GNG12: variants seen among roughly 807,000 people sequenced by gnomAD.
GNG12 encodes G protein subunit gamma 12.
For synonymous variants in GNG12, 28 were observed against 29.7 expected (o/e 0.94, Z 0.19); for missense variants, 69 against 83.8 (o/e 0.82, Z 0.69).
intron 1 of GNG12, among the ~76,000 whole-genome samples, chr1:67,808,828 A>C (rs1369619658): frequency 6.6e-6 from 1 of 152,196 alleles, no homozygotes; most frequent in African/African-American, 2.4e-5. Context: ...CCATGTTCAC[A>C]GACAGGAAAA....
At chr1:67,774,070 G>A (rs564051250) in intron 2 of GNG12, among the ~76,000 whole-genome samples, 12 of 152,228 alleles carry the variant, frequency 7.9e-5, no homozygotes, top group Middle Eastern at 3.4e-3. Flanking sequence ...ACTCTGTGTG[G>A]CATTATCTTT....
At chr1:67,772,413 G>T (rs1281580491) in intron 2 of GNG12, among the ~76,000 whole-genome samples, 1 of 152,152 alleles carries the variant, frequency 6.6e-6, no homozygotes, top group Admixed American at 6.5e-5. Flanking sequence ...TAACTGTGCA[G>T]AATCTAATTT....
chr1:67,709,813 T>G (rs997684841), intron 2 of GNG12, among the ~76,000 whole-genome samples: 4 of 131,964 alleles, frequency 3.0e-5, no homozygotes, highest in African/African-American at 5.7e-5. Context: ...AAGTTGCAGA[T>G]ATATATATAT....
At chr1:67,820,105 T>C (rs1352599856) in intron 1 of GNG12, among the ~76,000 whole-genome samples, 1 of 141,850 alleles carries the variant, frequency 7.0e-6, no homozygotes, top group Admixed American at 7.1e-5. Context: ...AAAAAAAAGA[T>C]CAGCCAGGCA....
intron 2 of GNG12, among the ~76,000 whole-genome samples, chr1:67,711,143 C>T (rs1330041588): frequency 6.6e-6 from 1 of 152,148 alleles, no homozygotes; most frequent in Non-Finnish European, 1.5e-5. Flanking sequence ...ATTTTTACAC[C>T]TTCATAGATT....
intron 2 of GNG12, among the ~76,000 whole-genome samples, chr1:67,749,252 G>A (rs1430179393): frequency 6.6e-6 from 1 of 152,176 alleles, no homozygotes; most frequent in African/African-American, 2.4e-5. Flanking sequence ...TGGATAGGTC[G>A]CTTAACCTTT....
chr1:67,788,889 G>C (rs970949649), intron 1 of GNG12, among the ~76,000 whole-genome samples: 1 of 152,196 alleles, frequency 6.6e-6, no homozygotes, highest in Non-Finnish European at 1.5e-5. Context: ...GACAGGCAGA[G>C]AGTGGCTGAC....
chr1:67,747,751 T>C (rs776981371), intron 2 of GNG12, among the ~76,000 whole-genome samples: 2 of 152,238 alleles, frequency 1.3e-5, no homozygotes, highest in African/African-American at 4.8e-5. Context: ...CTCTAAAGAT[T>C]TGAACTTGTG....
At chr1:67,716,828 G>A (rs1029273357) in intron 2 of GNG12, among the ~76,000 whole-genome samples, 2 of 152,170 alleles carry the variant, frequency 1.3e-5, no homozygotes, top group African/African-American at 4.8e-5. Flanking sequence ...AAGCGAAGGA[G>A]AATCAATTGT....
At chr1:67,830,501 AC>A (rs1647037265) in intron 1 of GNG12, among the ~76,000 whole-genome samples, 1 of 152,064 alleles carries the variant, frequency 6.6e-6, no homozygotes, top group Non-Finnish European at 1.5e-5. Flanking sequence ...ATAACCGGAT[AC>A]CCTTGGGTCA....
At chr1:67,814,800 C>T (rs922388659) in intron 1 of GNG12, among the ~76,000 whole-genome samples, 5 of 152,176 alleles carry the variant, frequency 3.3e-5, no homozygotes, top group African/African-American at 1.2e-4. Flanking sequence ...CTCAAACAGG[C>T]ACAGGTTTCA....
rs764402423 is a variant in GNG12, at chr1:67,766,347, C to T, written c.-27+11111G>A. Among the ~76,000 whole-genome samples, 5 of 152,152 alleles carry T rather than the reference C, an allele frequency of 3.3e-5. No individual in the cohort carries two copies. In the East Asian group the frequency reaches 5.8e-4, roughly 18 times the overall value. ...GAAATTATTTTCAAACCCTGATTTTCGCACAGTGCTAGAAAGATATTCACA... is the reference window on the plus strand; with the variant it reads ...GAAATTATTTTCAAACCCTGATTTTTGCACAGTGCTAGAAAGATATTCACA... On this transcript the variant is annotated intron_variant, in intron 2 of 3. Transcript: ENST00000370982.
At chr1:67,766,106 G>GCACACGCA (rs1553157553) in intron 2 of GNG12, among the ~76,000 whole-genome samples, 1 of 139,836 alleles carries the variant, frequency 7.2e-6, no homozygotes, top group Admixed American at 7.1e-5. Flanking sequence ...AGGCACACAC[G>GCACACGCA]CACACACACA....
rs564282529 is a variant in GNG12 at position 67,780,824 on chromosome 1, T to C, written c.-76-3317A>G. 1.1e-4 allele frequency among the ~76,000 whole-genome samples: 17 copies of C among 152,286 alleles called. No individual in the cohort carries two copies. In the South Asian group the frequency reaches 3.3e-3, roughly 30 times the overall value. On this transcript the variant is annotated intron_variant, in intron 1 of 3. Transcript: ENST00000370982. ...TCCAAGTTCATCAGTTTTATTTGAC[T>C]TTGCATGTAGAACTAAGTAATAACA...
intron 2 of GNG12, among the ~76,000 whole-genome samples, chr1:67,708,725 G>A (rs1405782011): frequency 2.6e-5 from 4 of 152,118 alleles, no homozygotes; most frequent in East Asian, 3.9e-4. Flanking sequence ...GAAGGAAAAC[G>A]CAGGGCTGGC....
At chr1:67,791,028 C>G (rs184665481) in intron 1 of GNG12, among the ~76,000 whole-genome samples, 4 of 152,252 alleles carry the variant, frequency 2.6e-5, no homozygotes, top group African/African-American at 9.6e-5. Context: ...TTATTTATAT[C>G]TAATTTTCTA....
intron 2 of GNG12, chr1:67,772,470 A>C (rs1646680356): frequency 6.6e-6 from 1 of 152,216 alleles, no homozygotes; most frequent in Non-Finnish European, 1.5e-5. Flanking sequence ...TGTCTAAACT[A>C]GTGGATTCTG....
At chr1:67,787,685 A>G (rs905438468) in intron 1 of GNG12, among the ~76,000 whole-genome samples, 12 of 152,346 alleles carry the variant, frequency 7.9e-5, no homozygotes, top group African/African-American at 2.9e-4. Context: ...TCCAATTCAC[A>G]GGAAAAACCA....
At chr1:67,729,525 C>T (rs1364345459) in intron 2 of GNG12, among the ~76,000 whole-genome samples, 1 of 152,238 alleles carries the variant, frequency 6.6e-6, no homozygotes, top group African/African-American at 2.4e-5. Flanking sequence ...TTCTAATCAG[C>T]ACCTCCCTTC....
Sources: allele counts gnomAD v4.1 joint callset (sites outside exome capture counted in the v4.1 genomes callset), GRCh38; gene constraint gnomAD v4.1.1; transcripts MANE v1.5; gene names NCBI Gene and HGNC (gene_info 2026-07-23, HGNC 2026-07-21).